PLEKHA7: variants seen among roughly 807,000 people sequenced by gnomAD.
PLEKHA7 encodes the protein pleckstrin homology domain containing A7, also known as pleckstrin homology domain-containing family A member 7.
In PLEKHA7, 104 loss-of-function variants were observed where a neutral mutation model predicts 170.0. That is an observed-to-expected ratio of 0.61 (90% CI 0.52 to 0.72). The LOEUF (loss-of-function observed/expected upper bound fraction) is 0.72, where lower values mean the gene tolerates loss of function less well. Ranked by LOEUF, PLEKHA7 falls within the 30% of genes least tolerant of loss-of-function variation. The pLI is 0.00. For missense variants in PLEKHA7, 1,615 were observed against 1,671.7 expected, an observed-to-expected ratio of 0.97 and a Z score of 0.59; for synonymous variants, 648 against 660.8, an observed-to-expected ratio of 0.98 and a Z score of 0.30.
At position 16,889,420 on chromosome 11, in the gene PLEKHA7, A is replaced by AAATAT. The variant is rs61086849; in HGVS notation, c.222-18239_222-18238insATATT. ...TTGCTCAAAAAAAAAAAAAAAAAAA[A>AAATAT]ATATATATATATATATATATATATA... On this transcript the variant is annotated intron_variant, in intron 3 of 26. Coordinates refer to ENST00000531066, the MANE Select transcript of PLEKHA7 (RefSeq NM_001329630.2). Among the ~76,000 whole-genome samples, 19 of 74,658 alleles carry AAATAT rather than the reference A, an allele frequency of 2.5e-4. No homozygotes were observed. In the South Asian group the frequency reaches 3.5e-3, roughly 14 times the overall value. The allele number at this position is 74,658 out of a possible 152,430, so 49.0% of individuals were successfully genotyped here. A position where few individuals can be genotyped will look rare whatever the true frequency, so the allele number is the denominator to read the frequency against.
chr11:17,004,596 T>G (rs555227742), intron 3 of PLEKHA7, among the ~76,000 whole-genome samples: 1 of 152,006 alleles, frequency 6.6e-6, no homozygotes, highest in African/African-American at 2.4e-5. Flanking sequence ...TTTCACCACA[T>G]TGGCCAAGCT....
At chr11:16,857,900 G>A (rs1281681000) in intron 4 of PLEKHA7, among the ~76,000 whole-genome samples, 2 of 152,148 alleles carry the variant, frequency 1.3e-5, no homozygotes, top group African/African-American at 4.8e-5. Flanking sequence ...TGTGTTTTTA[G>A]CAGAGACAGG....
chr11:16,835,220 A>G (rs1440056940), intron 9 of PLEKHA7, among the ~76,000 whole-genome samples: 3 of 152,190 alleles, frequency 2.0e-5, no homozygotes, highest in Non-Finnish European at 4.4e-5. Flanking sequence ...GCAGTGAGCC[A>G]AGATCATGCC....
At chr11:16,995,798 G>A (rs974659141) in intron 3 of PLEKHA7, among the ~76,000 whole-genome samples, 1 of 152,170 alleles carries the variant, frequency 6.6e-6, no homozygotes, top group African/African-American at 2.4e-5. Flanking sequence ...ACTATATCCA[G>A]ATTGCCTAAA....
At chr11:16,892,682 G>T (rs1386030243) in intron 3 of PLEKHA7, among the ~76,000 whole-genome samples, 4 of 143,256 alleles carry the variant, frequency 2.8e-5, no homozygotes, top group Non-Finnish European at 6.0e-5. Context: ...TATTGCCCAG[G>T]CTAGTCTCAA....
intron 3 of PLEKHA7, among the ~76,000 whole-genome samples, chr11:17,008,142 C>G (rs1477486901): frequency 6.6e-6 from 1 of 152,106 alleles, no homozygotes; most frequent in Non-Finnish European, 1.5e-5. Context: ...CACTTGGGGA[C>G]AGGCACCCAC....
At position 16,968,246 on chromosome 11, in the gene PLEKHA7, C is replaced by G. The variant is rs1015674488; in HGVS notation, c.221+45743G>C. On this transcript the variant is annotated intron_variant, in intron 3 of 26. Coordinates refer to ENST00000531066, the MANE Select transcript of PLEKHA7 (RefSeq NM_001329630.2). ...CACTCATCAGTAGAGATCTGCCTCC[C>G]TCTCCTCCCAAACAACCACAAGGGA... 2.6e-5 allele frequency among the ~76,000 whole-genome samples: 4 copies of G among 152,198 alleles called. 1 individual carries two copies. The highest frequency in any genetic ancestry group is 9.7e-5 in the African/African-American group (4 of 41,442).
Position 16,817,727 on chromosome 11 carries a change from T to C in PLEKHA7, c.1344-405A>G, listed in dbSNP as rs1199673072. On this transcript the variant is annotated intron_variant, in intron 10 of 26. Coordinates refer to ENST00000531066, the MANE Select transcript of PLEKHA7 (RefSeq NM_001329630.2). This position sits in a 1 kb window ranked among gnomAD's most constrained non-coding sequence, Gnocchi z 4.4. ...CTTAGCACCAAGTTCCAGAGGTTCATAAAGGAAGTGGTTGGCATCAGTTCT... is the reference window on the plus strand; with the variant it reads ...CTTAGCACCAAGTTCCAGAGGTTCACAAAGGAAGTGGTTGGCATCAGTTCT... 3.3e-4 allele frequency among the ~76,000 whole-genome samples: 50 copies of C among 152,218 alleles called. No individual in the cohort carries two copies. Among genetic ancestry groups the C allele is most frequent in the Non-Finnish European group, 5.9e-5 (4 of 68,040 alleles).
Position 16,804,993 on chromosome 11 carries a change from G to C in PLEKHA7, c.2008-1698C>G, listed in dbSNP as rs899691497. Among the ~76,000 whole-genome samples, 6 of 152,282 alleles carry C rather than the reference G, an allele frequency of 3.9e-5. No individual in the cohort carries two copies. In the East Asian group the frequency reaches 1.2e-3, roughly 29 times the overall value. Reference sequence around the variant, plus strand: ...GGCAGAATGTGGGTTTTAAACTCAGGGGAACCCAGGAGAAAAAGCAGGTGA... The same window carrying C: ...GGCAGAATGTGGGTTTTAAACTCAGCGGAACCCAGGAGAAAAAGCAGGTGA... On this transcript the variant is annotated intron_variant, in intron 13 of 26. Coordinates refer to ENST00000531066, the MANE Select transcript of PLEKHA7 (RefSeq NM_001329630.2).
intron 4 of PLEKHA7, among the ~76,000 whole-genome samples, chr11:16,865,876 C>T (rs1047164898): frequency 2.6e-5 from 4 of 152,012 alleles, no homozygotes; most frequent in African/African-American, 4.8e-5. Context: ...CTCACTCTGT[C>T]GCCCAGGCTG....
chr11:16,843,310 G>A (rs1852119222), intron 8 of PLEKHA7, among the ~76,000 whole-genome samples: 1 of 152,190 alleles, frequency 6.6e-6, no homozygotes, highest in South Asian at 2.1e-4. Context: ...AAAACAAAAT[G>A]AGAACCAATG....
chr11:16,999,552 C>T (rs1196884231), intron 3 of PLEKHA7, among the ~76,000 whole-genome samples: 1 of 152,100 alleles, frequency 6.6e-6, no homozygotes, highest in African/African-American at 2.4e-5. Flanking sequence ...CCTGGCTTCC[C>T]AGGCTCCCTC....
At chr11:16,809,888 A>G (rs1849243135) in intron 13 of PLEKHA7, among the ~76,000 whole-genome samples, 2 of 152,186 alleles carry the variant, frequency 1.3e-5, no homozygotes, top group African/African-American at 4.8e-5. Context: ...AATCGCCCCT[A>G]ACTCCTTCAA....
At chr11:16,965,004 TAA>T (rs11447088) in intron 3 of PLEKHA7, among the ~76,000 whole-genome samples, 120,240 of 148,192 alleles carry the variant, frequency 0.81, 49,124 homozygotes, top group South Asian at 0.9. Context: ...ATACATGATT[TAA>T]AAAAAAAAAA....
intron 13 of PLEKHA7, among the ~76,000 whole-genome samples, chr11:16,809,173 G>A (rs370582259): frequency 2.0e-5 from 3 of 152,108 alleles, no homozygotes; most frequent in East Asian, 1.9e-4. Flanking sequence ...AATGTAAGTG[G>A]GTCCCAAGAG....
At chr11:16,930,094 G>C (rs1355183661) in intron 3 of PLEKHA7, among the ~76,000 whole-genome samples, 4 of 152,190 alleles carry the variant, frequency 2.6e-5, no homozygotes, top group Non-Finnish European at 5.9e-5. Flanking sequence ...TTTGGCGCAA[G>C]GCTGTTAAAC....
Position 16,790,834 on chromosome 11 carries a change from C to A in PLEKHA7, c.3016G>T (p.Gly1006Cys). 1 of 1,609,656 alleles carries A rather than the reference C, an allele frequency of 6.2e-7. No homozygotes were observed. Among genetic ancestry groups the A allele is most frequent in the Non-Finnish European group, 8.5e-7 (1 of 1,178,236 alleles). ...AGCGTCTGGTACCTGCTCTCAGGGC[C>A]CACAAGTCCTAGGGAGGGCTGGGCC... ...DMAQPSLGLV[G>C]PESRYQTLPG... The change falls in exon 21 of 27, where the codon GGC (glycine) becomes TGC (cysteine). Residue 1006 changes from glycine (G) to cysteine (C), a missense_variant. By Grantham distance (159) the Gly-to-Cys change is radical. Transcript: ENST00000531066.
At chr11:16,892,639 T>TC (rs1302773706) in intron 3 of PLEKHA7, among the ~76,000 whole-genome samples, 3 of 140,942 alleles carry the variant, frequency 2.1e-5, no homozygotes, top group Admixed American at 2.1e-4. Context: ...TTTTTTTTTT[T>TC]TTCGTATTTT....
intron 3 of PLEKHA7, among the ~76,000 whole-genome samples, chr11:17,003,190 C>T (rs1450272915): frequency 2.6e-5 from 4 of 152,064 alleles, no homozygotes; most frequent in Non-Finnish European, 5.9e-5. Flanking sequence ...GGGGTTTCTC[C>T]ATGTTGGTCA....
Sources: allele counts gnomAD v4.1 joint callset (sites outside exome capture counted in the v4.1 genomes callset), GRCh38; gene constraint gnomAD v4.1.1; non-coding constraint Gnocchi (gnomAD v3.1); transcripts MANE v1.5; gene names NCBI Gene and HGNC (gene_info 2026-07-23, HGNC 2026-07-21).